The following PDGFD variants were observed in gnomAD, a reference collection of about 807,000 sequenced individuals.
PDGFD encodes the protein platelet-derived growth factor D.
In PDGFD, 30 loss-of-function variants were observed where a neutral mutation model predicts 44.7. The ratio of observed to expected loss-of-function variants is 0.67; its 90% CI spans 0.50 to 0.91. The LOEUF (loss-of-function observed/expected upper bound fraction) is 0.91, where lower values mean the gene tolerates loss of function less well. Ranked by LOEUF, PDGFD falls within the 40% of genes least tolerant of loss-of-function variation. The probability of loss-of-function intolerance (pLI) is 0.00; values close to 1 mark genes in which losing one functional copy is unlikely to be tolerated. For missense variants in PDGFD, 445 were observed against 457.8 expected, an observed-to-expected ratio of 0.97 and a Z score of 0.25; for synonymous variants, 173 against 168.4, an observed-to-expected ratio of 1.03 and a Z score of -0.21.
chr11:104,136,607 T>C (rs746261803), intron 1 of PDGFD, among the ~76,000 whole-genome samples: 2 of 152,222 alleles, frequency 1.3e-5, no homozygotes, highest in African/African-American at 2.4e-5. Context: ...ACGCACGTAT[T>C]GCTCTGGAAA....
chr11:104,132,783 T>G (rs1861942662), intron 1 of PDGFD, among the ~76,000 whole-genome samples: 1 of 152,126 alleles, frequency 6.6e-6, no homozygotes, highest in South Asian at 2.1e-4. Context: ...AATTAGTTGA[T>G]TTTTCAAAAT....
At chr11:104,081,809 C>G (rs937384524) in intron 1 of PDGFD, among the ~76,000 whole-genome samples, 1 of 152,106 alleles carries the variant, frequency 6.6e-6, no homozygotes, top group South Asian at 2.1e-4. Context: ...AACCCTCTTT[C>G]TTGCTCCAAC....
rs1412903722 is a variant in PDGFD, at chr11:104,037,166, A to T, written c.125-36911T>A. 1.9e-6 allele frequency: 3 copies of T among 1,613,676 alleles called. No homozygotes were observed. The African/African-American group carries it at 4.0e-5, about 21-fold the overall frequency. On this transcript the variant is annotated intron_variant, in intron 1 of 6. Coordinates refer to ENST00000393158, the MANE Select transcript of PDGFD (RefSeq NM_025208.5). ...TCCCGTCCACAGCACCCTGGACAGC[A>T]GCAGCAGCGCACACCCGCTGCCCAG...
intron 1 of PDGFD, among the ~76,000 whole-genome samples, chr11:104,054,936 A>G (rs1208166418): frequency 1.3e-5 from 2 of 152,194 alleles, no homozygotes; most frequent in Non-Finnish European, 2.9e-5. Context: ...TTCCAAGCCT[A>G]ATGTCTTACC....
At chr11:104,127,165 T>C (rs375813407) in intron 1 of PDGFD, among the ~76,000 whole-genome samples, 10 of 152,088 alleles carry the variant, frequency 6.6e-5, no homozygotes, top group East Asian at 3.9e-4. Context: ...AGGTAGGAAG[T>C]GGCAAGATTT....
intron 1 of PDGFD, among the ~76,000 whole-genome samples, chr11:104,058,584 T>C (rs999942901): frequency 1.3e-5 from 2 of 152,146 alleles, no homozygotes; most frequent in East Asian, 3.8e-4. Context: ...CTTTGGAAAA[T>C]AGTTTGGAAG....
intron 1 of PDGFD, chr11:104,037,699 G>A: frequency 6.2e-7 from 1 of 1,614,132 alleles, no homozygotes; most frequent in East Asian, 2.2e-5. Flanking sequence ...TGCTAAAGGA[G>A]TGGGCACACA....
At chr11:104,115,332 T>C (rs1591171154) in intron 1 of PDGFD, among the ~76,000 whole-genome samples, 1 of 150,052 alleles carries the variant, frequency 6.7e-6, no homozygotes. Flanking sequence ...TATAGTCATA[T>C]ATGTGTATAT....
intron 3 of PDGFD, among the ~76,000 whole-genome samples, chr11:103,982,057 C>T (rs1859279812): frequency 6.6e-6 from 1 of 151,688 alleles, no homozygotes; most frequent in Non-Finnish European, 1.5e-5. Context: ...TTGACCCTTA[C>T]AATTCCCCTC....
intron 1 of PDGFD, among the ~76,000 whole-genome samples, chr11:104,147,934 T>C (rs1239393099): frequency 6.6e-6 from 1 of 152,216 alleles, no homozygotes; most frequent in Non-Finnish European, 1.5e-5. Context: ...GAGAATATTA[T>C]CATTGCCTAA....
intron 1 of PDGFD, among the ~76,000 whole-genome samples, chr11:104,026,061 C>T (rs1860038126): frequency 2.0e-5 from 3 of 152,180 alleles, no homozygotes; most frequent in Admixed American, 1.3e-4. Context: ...CCTGCCATTG[C>T]TGCTGTTGAT....
At chr11:103,913,161 T>C (rs1429725016) in intron 6 of PDGFD, among the ~76,000 whole-genome samples, 3 of 139,746 alleles carry the variant, frequency 2.1e-5, no homozygotes, top group Admixed American at 7.0e-5. Context: ...CTAATAGATA[T>C]CTACAGAACT....
intron 3 of PDGFD, among the ~76,000 whole-genome samples, chr11:103,973,398 T>C (rs1221795646): frequency 6.6e-6 from 1 of 151,928 alleles, no homozygotes; most frequent in Non-Finnish European, 1.5e-5. Context: ...CTGCCCGTCT[T>C]GGCCTCCCAA....
chr11:103,922,083 C>T (rs1297226842), intron 6 of PDGFD, among the ~76,000 whole-genome samples: 1 of 151,894 alleles, frequency 6.6e-6, no homozygotes, highest in Admixed American at 6.6e-5. Context: ...AAATTAACAT[C>T]TATCTTTATC....
chr11:104,059,034 C>G (rs1860667005), intron 1 of PDGFD, among the ~76,000 whole-genome samples: 1 of 152,136 alleles, frequency 6.6e-6, no homozygotes, highest in African/African-American at 2.4e-5. Context: ...TTTCAGGTGA[C>G]AAAAATATTA....
intron 1 of PDGFD, among the ~76,000 whole-genome samples, chr11:104,092,884 T>C (rs1861231435): frequency 1.3e-5 from 2 of 152,124 alleles, no homozygotes; most frequent in African/African-American, 2.4e-5. Context: ...ATTTTTATGA[T>C]TGATCCAAGT....
rs1047161607 is a variant in PDGFD, at chr11:103,931,390, G to A, written c.773-4264C>T. ...GCACAATAATTTACTGCTTGTTTTG[G>A]TCAACAAGAGGATGGTTTCCTTGAG... On this transcript the variant is annotated intron_variant, in intron 5 of 6. Coordinates refer to ENST00000393158, the MANE Select transcript of PDGFD (RefSeq NM_025208.5). Among the ~76,000 whole-genome samples the A allele has an allele frequency of 2.0e-5, 3 of 152,054 alleles. No individual in the cohort carries two copies. The East Asian group carries it at 5.8e-4, about 29-fold the overall frequency.
intron 1 of PDGFD, among the ~76,000 whole-genome samples, chr11:104,008,300 C>T (rs1859733555): frequency 6.9e-6 from 1 of 144,560 alleles, no homozygotes; most frequent in Admixed American, 6.7e-5. Context: ...AAACAATGCT[C>T]GGAAAATAAA....
In PDGFD at chr11:104,164,043, G is replaced by A; in HGVS notation, c.-116C>T. 2 of 1,217,950 alleles carry A rather than the reference G, an allele frequency of 1.6e-6. No homozygotes were observed. The highest frequency in any genetic ancestry group is 2.2e-6 in the Non-Finnish European group (2 of 913,006). The allele number at this position is 1,217,950 out of a possible 1,614,324, so 75.4% of individuals were successfully genotyped here. ...CCTGCGCTCGCCCTGCGCTGGCCCGGGTCGCTGTGCTAATCGCCGAGCTCT... is the reference window on the plus strand; with the variant it reads ...CCTGCGCTCGCCCTGCGCTGGCCCGAGTCGCTGTGCTAATCGCCGAGCTCT... On this transcript the variant is annotated 5_prime_UTR_variant, in exon 1 of 7. Transcript: ENST00000393158.
Sources: gnomAD v4.1 joint callset for allele counts (sites outside exome capture counted in the v4.1 genomes callset) on GRCh38, gnomAD v4.1.1 for gene constraint, MANE v1.5 for transcripts, NCBI Gene and HGNC (gene_info 2026-07-23, HGNC 2026-07-21) for gene names.